Variants in PEPD observed in about 807,000 individuals in gnomAD.
PEPD encodes peptidase D.
In PEPD, 53 loss-of-function variants were observed where a neutral mutation model predicts 60.7. The ratio of observed to expected loss-of-function variants is 0.87; its 90% confidence interval spans 0.70 to 1.10. PEPD has a LOEUF of 1.10. Among genes scored for constraint, PEPD ranks in the 50% least tolerant of loss-of-function variants. The pLI is 0.00. For synonymous variants in PEPD, 267 were observed against 284.1 expected (o/e 0.94, Z 0.60); for missense variants, 711 against 711.9 (o/e 1.00, Z 0.01).
chr19:33,434,624 G>T (rs954900573), intron 9 of PEPD, among the ~76,000 whole-genome samples: 2 of 152,050 alleles, frequency 1.3e-5, no homozygotes, highest in African/African-American at 4.8e-5. Context: ...CTTGGTCTCG[G>T]GGGTGAACTT....
In PEPD at chr19:33,478,039, T is replaced by G. The variant is rs1467558185; in HGVS notation, c.548+7A>C. On this transcript the variant is annotated splice_region_variant and intron_variant, in intron 7 of 14. Coordinates refer to ENST00000244137, the MANE Select transcript of PEPD (RefSeq NM_000285.4). ...AAACAGGCAAGGTGACCACAGGCCG[T>G]ACTCACCACTCAACGATCTCTGGGT... 1 of 1,604,830 alleles carries G rather than the reference T, an allele frequency of 6.2e-7. No homozygotes were observed. Among genetic ancestry groups the G allele is most frequent in the South Asian group, 1.1e-5 (1 of 90,328 alleles).
At chr19:33,407,024 C>T (rs1968644044) in intron 11 of PEPD, among the ~76,000 whole-genome samples, 1 of 152,196 alleles carries the variant, frequency 6.6e-6, no homozygotes, top group Admixed American at 6.5e-5. Context: ...CTCTTCTGGC[C>T]AGTTCTGGAA....
At chr19:33,395,925 G>A (rs953072722) in intron 12 of PEPD, among the ~76,000 whole-genome samples, 11 of 152,190 alleles carry the variant, frequency 7.2e-5, no homozygotes, top group African/African-American at 1.7e-4. Context: ...CACCCTGCAC[G>A]GGACGTGAGT....
intron 12 of PEPD, among the ~76,000 whole-genome samples, chr19:33,396,850 C>A (rs750461172): frequency 2.0e-5 from 3 of 152,072 alleles, no homozygotes; most frequent in African/African-American, 7.3e-5. Context: ...ACTGAGCCCG[C>A]GGGACAGGGA....
intron 12 of PEPD, among the ~76,000 whole-genome samples, chr19:33,400,094 C>T (rs1170083378): frequency 6.6e-6 from 1 of 152,202 alleles, no homozygotes; most frequent in Non-Finnish European, 1.5e-5. Flanking sequence ...CTGGAGGACG[C>T]CTGAGCTCCC....
At chr19:33,506,244 GCA>G (rs1180841120) in intron 3 of PEPD, among the ~76,000 whole-genome samples, 16 of 108,632 alleles carry the variant, frequency 1.5e-4, no homozygotes, top group African/African-American at 5.5e-4. Flanking sequence ...ACACAAGACA[GCA>G]CACTCACACC....
chr19:33,513,986 C>T (rs1045669244), intron 1 of PEPD, among the ~76,000 whole-genome samples: 6 of 93,056 alleles, frequency 6.4e-5, no homozygotes, highest in Admixed American at 2.4e-4. Flanking sequence ...CCCCATCACT[C>T]TTCATTTATT....
In PEPD at chr19:33,512,444, G is replaced by A. The variant is rs539549874; in HGVS notation, c.201+149C>T. On this transcript the variant is annotated intron_variant, in intron 2 of 14. Transcript: ENST00000244137. ...CATCTTCAAGTTCTACATCTTCAAG[G>A]AGCCCCTGGACCACTTCCCAGGCGA... The A allele has an allele frequency of 5.7e-5, 42 of 731,684 alleles. No homozygotes were observed. The South Asian group carries it at 6.3e-4, about 11-fold the overall frequency. 45.3% of individuals were successfully genotyped at this position (731,684 alleles called of 1,614,324 possible).
intron 9 of PEPD, among the ~76,000 whole-genome samples, chr19:33,458,466 T>A (rs61285153): frequency 6.7e-6 from 1 of 149,624 alleles, no homozygotes; most frequent in Non-Finnish European, 1.5e-5. Flanking sequence ...GTGTATGGTA[T>A]GTGGTATGTG....
intron 12 of PEPD, among the ~76,000 whole-genome samples, chr19:33,398,163 C>T (rs1968409737): frequency 6.6e-6 from 1 of 152,248 alleles, no homozygotes; most frequent in Non-Finnish European, 1.5e-5. Flanking sequence ...CCTGGTGCTA[C>T]CTCTGGCACC....
At chr19:33,432,427 C>T (rs779101359) in intron 9 of PEPD, among the ~76,000 whole-genome samples, 31 of 152,228 alleles carry the variant, frequency 2.0e-4, no homozygotes, top group Non-Finnish European at 3.8e-4. Flanking sequence ...GGGGACCACC[C>T]ACCCAAGCAA....
At chr19:33,510,768 T>G (rs1303611918) in intron 3 of PEPD, among the ~76,000 whole-genome samples, 3 of 152,004 alleles carry the variant, frequency 2.0e-5, no homozygotes, top group African/African-American at 7.3e-5. Context: ...AAGGACCCCT[T>G]TTCCTCTCTA....
chr19:33,518,006 G>A (rs1011849533), intron 1 of PEPD, among the ~76,000 whole-genome samples: 5 of 150,502 alleles, frequency 3.3e-5, no homozygotes, highest in Admixed American at 1.3e-4. Flanking sequence ...GGGTCACACC[G>A]CTAAGTTCCC....
At chr19:33,463,557 T>C (rs941439956) in intron 8 of PEPD, among the ~76,000 whole-genome samples, 1 of 152,210 alleles carries the variant, frequency 6.6e-6, no homozygotes, top group Non-Finnish European at 1.5e-5. Context: ...TTTGGTCTCA[T>C]TCCTCCAGTA....
At chr19:33,389,936 A>C (rs1429272214) in intron 13 of PEPD, among the ~76,000 whole-genome samples, 1 of 152,230 alleles carries the variant, frequency 6.6e-6, no homozygotes, top group Non-Finnish European at 1.5e-5. Flanking sequence ...GCGCAGAGCC[A>C]TGTGGGGAGG....
chr19:33,487,553 G>A (rs967835446), intron 6 of PEPD, among the ~76,000 whole-genome samples: 4 of 152,216 alleles, frequency 2.6e-5, no homozygotes, highest in Admixed American at 1.3e-4. Flanking sequence ...TCGGCCAGCA[G>A]CCCAAGGCGT....
intron 3 of PEPD, 149 bp from the exon 4 acceptor site, chr19:33,501,150 G>A (rs1486620470): frequency 1.4e-6 from 1 of 712,436 alleles, no homozygotes; most frequent in African/African-American, 1.7e-5. Context: ...CACCGAACAG[G>A]TCGGCCCAAC....
intron 7 of PEPD, among the ~76,000 whole-genome samples, chr19:33,475,109 C>T (rs946888625): frequency 2.6e-5 from 4 of 152,042 alleles, no homozygotes; most frequent in African/African-American, 9.7e-5. Context: ...TAGGTTTCAC[C>T]ACATCTCCGT....
At chr19:33,518,257 G>A (rs1380327167) in intron 1 of PEPD, among the ~76,000 whole-genome samples, 10 of 152,180 alleles carry the variant, frequency 6.6e-5, no homozygotes, top group Non-Finnish European at 1.2e-4. Flanking sequence ...ACAGCTGTGT[G>A]GAGTCAGGAC....
Sources: gnomAD v4.1 joint callset for allele counts (sites outside exome capture counted in the v4.1 genomes callset) on GRCh38, gnomAD v4.1.1 for gene constraint, MANE v1.5 for transcripts, NCBI Gene and HGNC (gene_info 2026-07-23, HGNC 2026-07-21) for gene names.